Variants in JAM2 observed in about 807,000 individuals in gnomAD.
JAM2 encodes the protein junctional adhesion molecule B.
A neutral mutation model predicts 42.0 loss-of-function variants in JAM2; 17 were observed. The ratio of observed to expected loss-of-function variants is 0.40; its 90% CI spans 0.28 to 0.61. JAM2 has a LOEUF of 0.61. Ranked by LOEUF, JAM2 falls within the 20% of genes least tolerant of loss-of-function variation. The pLI is 0.37. For synonymous variants in JAM2, 118 were observed against 128.6 expected (o/e 0.92, Z 0.56); for missense variants, 319 against 358.3 (o/e 0.89, Z 0.89).
At chr21:25,669,450 G>C (rs191578162) in intron 1 of JAM2, among the ~76,000 whole-genome samples, 121 of 152,092 alleles carry the variant, frequency 8.0e-4, no homozygotes, top group Non-Finnish European at 1.5e-3. Context: ...ATTTTTCATA[G>C]AACATCCTCA....
rs1568890563 is a variant in JAM2, at chr21:25,656,068, AC to A, written c.67+16182del. ...TTTTTTTTTTAATGATGTAGCGTGGACCTTTCAGTGAATTTCTTTTGAAAGG... is the reference window on the plus strand; with the variant it reads ...TTTTTTTTTTAATGATGTAGCGTGGACTTTCAGTGAATTTCTTTTGAAAGG... On this transcript the variant is annotated intron_variant, in intron 1 of 9. Coordinates refer to ENST00000480456, the MANE Select transcript of JAM2 (RefSeq NM_021219.4). Among the ~76,000 whole-genome samples, 4 of 151,984 alleles carry A rather than the reference AC, an allele frequency of 2.6e-5. No individual in the cohort carries two copies. In the South Asian group the frequency reaches 8.3e-4, roughly 32 times the overall value.
intron 1 of JAM2, among the ~76,000 whole-genome samples, chr21:25,670,897 A>G (rs757600632): frequency 6.6e-6 from 1 of 152,202 alleles, no homozygotes; most frequent in Non-Finnish European, 1.5e-5. Flanking sequence ...CCTGAGGACT[A>G]ATCAAAGGAA....
intron 1 of JAM2, among the ~76,000 whole-genome samples, chr21:25,683,665 T>C (rs981516190): frequency 2.0e-5 from 3 of 152,140 alleles, no homozygotes; most frequent in Non-Finnish European, 2.9e-5. Context: ...GGATTCTACT[T>C]TGGAAAATGC....
At chr21:25,640,774 C>CCCTT (rs574654716) in intron 1 of JAM2, among the ~76,000 whole-genome samples, 36 of 151,690 alleles carry the variant, frequency 2.4e-4, no homozygotes, top group South Asian at 4.2e-4. Context: ...TTGCTTTTTT[C>CCCTT]CCTTCCTTCC....
At chr21:25,658,212 G>T (rs189123103) in intron 1 of JAM2, among the ~76,000 whole-genome samples, 168 of 152,182 alleles carry the variant, frequency 1.1e-3, no homozygotes, top group African/African-American at 3.8e-3. Context: ...TTGATAAAAT[G>T]CAGTGATTGA....
chr21:25,707,201 G>C (rs1016878784), intron 7 of JAM2, among the ~76,000 whole-genome samples: 6 of 152,162 alleles, frequency 3.9e-5, no homozygotes, highest in African/African-American at 1.2e-4. Context: ...GAATTGTTCA[G>C]CTGGGTGTGG....
chr21:25,714,282 G>T (rs1274087937), intron 9 of JAM2: 1 of 1,154,898 alleles, frequency 8.7e-7, no homozygotes. Context: ...CGCGGCGGGC[G>T]GATCACGAGG....
At chr21:25,707,318 C>A (rs2034293363) in intron 7 of JAM2, among the ~76,000 whole-genome samples, 1 of 151,868 alleles carries the variant, frequency 6.6e-6, no homozygotes, top group Non-Finnish European at 1.5e-5. Context: ...CCCGTCTCTA[C>A]TAAAAATACA....
In JAM2 at chr21:25,714,664, A is replaced by T; in HGVS notation, c.889A>T (p.Ile297Leu). Reference protein sequence around the residue: ...ENDFKHTKSFII With the variant: ...ENDFKHTKSFLI ...GGATTTCAAGCACACAAAATCCTTT[A>T]TAATTTAAAGACTCCACTTTAGAGA... is the stretch of plus-strand genomic sequence containing the variant. The change falls in exon 10 of 10, where the codon ATA becomes TTA. Residue 297 changes from isoleucine to leucine, a missense_variant. Coordinates refer to ENST00000480456, the MANE Select transcript of JAM2 (RefSeq NM_021219.4). 1 of 1,512,082 alleles carries T rather than the reference A, an allele frequency of 6.6e-7. No homozygotes were observed. Among genetic ancestry groups the T allele is most frequent in the Non-Finnish European group, 8.9e-7 (1 of 1,124,788 alleles). 93.7% of individuals were successfully genotyped at this position (1,512,082 alleles called of 1,614,324 possible).
At chr21:25,711,705 A>C (rs2034386969) in intron 8 of JAM2, 1 of 241,636 alleles carries the variant, frequency 4.1e-6, no homozygotes, top group Non-Finnish European at 8.2e-6. Context: ...GATTGTGAGG[A>C]CTTCTGCTTT....
chr21:25,653,793 G>C (rs994362585), intron 1 of JAM2, among the ~76,000 whole-genome samples: 6 of 152,186 alleles, frequency 3.9e-5, no homozygotes, highest in African/African-American at 1.4e-4. Context: ...CACTTAGAAA[G>C]CAAGGTAGCT....
At position 25,639,800 on chromosome 21, in the gene JAM2, A is replaced by G. The variant is rs1342174102; in HGVS notation, c.-22A>G. On this transcript the variant is annotated 5_prime_UTR_variant, in exon 1 of 10. Coordinates refer to ENST00000480456, the MANE Select transcript of JAM2 (RefSeq NM_021219.4). Reference sequence around the variant, plus strand: ...CCGGGACCCTCGACCTCCTCAGAGCAGCCGGCTGCCGCCCCGGGAAGATGG... The same window carrying G: ...CCGGGACCCTCGACCTCCTCAGAGCGGCCGGCTGCCGCCCCGGGAAGATGG... 1.0e-5 allele frequency: 16 copies of G among 1,559,154 alleles called. No individual in the cohort carries two copies. The highest frequency in any genetic ancestry group is 1.4e-5 in the Non-Finnish European group (16 of 1,154,364).
At chr21:25,686,963 AAATAATCCCCTT>A (rs1275326735) in intron 2 of JAM2, among the ~76,000 whole-genome samples, 1 of 152,244 alleles carries the variant, frequency 6.6e-6, no homozygotes, top group Non-Finnish European at 1.5e-5. Context: ...TTTGGCAATG[AAATAATCCCCTT>A]AATAGAAAAG....
Position 25,666,997 on chromosome 21 carries a change from A to T in JAM2, c.68-16886A>T, listed in dbSNP as rs9978935. Among the ~76,000 whole-genome samples, 509 of 152,294 alleles carry T rather than the reference A, an allele frequency of 3.3e-3. 3 individuals carry two copies. The highest frequency in any genetic ancestry group is 0.012 in the African/African-American group (486 of 41,552). On this transcript the variant is annotated intron_variant, in intron 1 of 9. Coordinates refer to ENST00000480456, the MANE Select transcript of JAM2 (RefSeq NM_021219.4). ...TTTGTGTCAGAATTGGCTACTTCAAAATCTTTTGTTCTTTAATCCCGGGCA... is the reference window on the plus strand; with the variant it reads ...TTTGTGTCAGAATTGGCTACTTCAATATCTTTTGTTCTTTAATCCCGGGCA...
chr21:25,688,717 G>T (rs1181585909), intron 2 of JAM2, among the ~76,000 whole-genome samples: 2 of 150,948 alleles, frequency 1.3e-5, no homozygotes, highest in African/African-American at 2.4e-5. Flanking sequence ...TTCCATTTTT[G>T]TATGTCCAGC....
chr21:25,658,796 C>T (rs545263617), intron 1 of JAM2, among the ~76,000 whole-genome samples: 1 of 152,306 alleles, frequency 6.6e-6, no homozygotes, highest in East Asian at 1.9e-4. Flanking sequence ...CTCATGTTAA[C>T]ATTACTGTGA....
Position 25,717,477 on chromosome 21 carries a change from T to G in JAM2, c.*2805T>G. 1.5e-6 allele frequency: 1 copy of G among 659,754 alleles called. No individual in the cohort carries two copies. Among genetic ancestry groups the G allele is most frequent in the Non-Finnish European group, 2.3e-6 (1 of 427,406 alleles). The allele number at this position is 659,754 out of a possible 1,614,324, so 40.9% of individuals were successfully genotyped here. A position where few individuals can be genotyped will look rare whatever the true frequency, so the allele number is the denominator to read the frequency against. On this transcript the variant is annotated 3_prime_UTR_variant, in exon 10 of 10. Coordinates refer to ENST00000480456, the MANE Select transcript of JAM2 (RefSeq NM_021219.4). ...GAGGTTTGACCTAAGTCTGGACCAA[T>G]TGATTGCTTTTCAATACAACTTTGC...
At chr21:25,647,853 C>G (rs2032656586) in intron 1 of JAM2, among the ~76,000 whole-genome samples, 1 of 152,134 alleles carries the variant, frequency 6.6e-6, no homozygotes, top group Admixed American at 6.5e-5. Flanking sequence ...AAAAAGGGAA[C>G]ATGTCAAACT....
At chr21:25,702,603 G>A (rs1265936037) in intron 6 of JAM2, among the ~76,000 whole-genome samples, 1 of 152,080 alleles carries the variant, frequency 6.6e-6, no homozygotes, top group Non-Finnish European at 1.5e-5. Flanking sequence ...AGGTCCAGAA[G>A]TTTGAATTTC....
Sources: allele counts gnomAD v4.1 joint callset (sites outside exome capture counted in the v4.1 genomes callset), GRCh38; gene constraint gnomAD v4.1.1; transcripts MANE v1.5; gene names NCBI Gene and HGNC (gene_info 2026-07-23, HGNC 2026-07-21).